CDH18: variants seen among roughly 807,000 people sequenced by gnomAD.
The protein encoded by CDH18 is cadherin 18, also known as cadherin-18.
CDH18 carries 31 observed loss-of-function variants against 67.9 expected under a neutral mutation model. The ratio of observed to expected loss-of-function variants is 0.46; its 90% CI spans 0.34 to 0.62. CDH18 has a LOEUF of 0.62. Ranked by LOEUF, CDH18 falls within the 20% of genes least tolerant of loss-of-function variation. The pLI is 0.01. For missense variants in CDH18, 890 were observed against 975.5 expected, an observed-to-expected ratio of 0.91 and a Z score of 1.17; for synonymous variants, 362 against 347.2, an observed-to-expected ratio of 1.04 and a Z score of -0.48.
At chr5:19,610,339 C>T (rs1006630766) in intron 6 of CDH18, among the ~76,000 whole-genome samples, 9 of 151,950 alleles carry the variant, frequency 5.9e-5, no homozygotes, top group Non-Finnish European at 1.3e-4. Context: ...TATTGATCAA[C>T]ATAATAAAAT....
chr5:19,907,742 A>G (rs1338315152), intron 2 of CDH18, among the ~76,000 whole-genome samples: 1 of 152,048 alleles, frequency 6.6e-6, no homozygotes. Context: ...CATATTCATG[A>G]CATTAATTTC....
chr5:20,436,221 T>A (rs1749155212), intron 1 of CDH18, among the ~76,000 whole-genome samples: 1 of 152,026 alleles, frequency 6.6e-6, no homozygotes, highest in South Asian at 2.1e-4. Context: ...AAGTAACATT[T>A]CAAATTGCCA....
At chr5:20,428,378 C>T (rs1459888691) in intron 1 of CDH18, among the ~76,000 whole-genome samples, 2 of 152,150 alleles carry the variant, frequency 1.3e-5, no homozygotes, top group Non-Finnish European at 2.9e-5. Flanking sequence ...CAAGTCTTTG[C>T]TATTGTAAAT....
chr5:19,662,037 G>A (rs146078035), intron 5 of CDH18, among the ~76,000 whole-genome samples: 449 of 152,006 alleles, frequency 3.0e-3, no homozygotes, highest in Non-Finnish European at 4.0e-3. Flanking sequence ...TAACATGACC[G>A]TGCCCATAGG....
chr5:20,021,650 C>T (rs919010579), intron 2 of CDH18, among the ~76,000 whole-genome samples: 1 of 152,162 alleles, frequency 6.6e-6, no homozygotes, highest in African/African-American at 2.4e-5. Context: ...GAAGGCATTT[C>T]CTGCTTTCCC....
Position 20,504,724 on chromosome 5 carries a change from T to A in CDH18, c.-580+70738A>T, listed in dbSNP as rs547973611. Among the ~76,000 whole-genome samples the A allele has an allele frequency of 2.6e-5, 4 of 151,466 alleles. No homozygotes were observed. The East Asian group carries it at 5.8e-4, about 22-fold the overall frequency. On this transcript the variant is annotated intron_variant, in intron 1 of 14. Coordinates refer to the CDH18 transcript ENST00000507958. Reference sequence around the variant, plus strand: ...CAGTTAAACTTAATAAAAAATAAAGTCTTTTGGCAGGTAGAAAAAGTGAAC... The same window carrying A: ...CAGTTAAACTTAATAAAAAATAAAGACTTTTGGCAGGTAGAAAAAGTGAAC...
chr5:20,079,813 G>T (rs1202649833), intron 2 of CDH18, among the ~76,000 whole-genome samples: 1 of 152,102 alleles, frequency 6.6e-6, no homozygotes, highest in East Asian at 1.9e-4. Flanking sequence ...GAGCTGGGAA[G>T]TCCAAGATTA....
intron 2 of CDH18, among the ~76,000 whole-genome samples, chr5:19,980,256 A>G (rs1798902311): frequency 1.3e-5 from 2 of 152,118 alleles, no homozygotes; most frequent in Non-Finnish European, 2.9e-5. Flanking sequence ...AAGGAGGTGA[A>G]AGACCTCTAC....
intron 7 of CDH18, among the ~76,000 whole-genome samples, chr5:19,589,707 T>G (rs1561415407): frequency 6.6e-6 from 1 of 152,084 alleles, no homozygotes; most frequent in African/African-American, 2.4e-5. Context: ...TTTGGCAAAA[T>G]TCAGCAAGGC....
rs751013238 is a variant in CDH18, at chr5:19,721,324, G to A, written c.643+23C>T. Reference sequence around the variant, plus strand: ...CTTACTGTAGCAAACGCTTGCATGCGAGTTATGTGTAAATGCACTAACCTG... The same window carrying A: ...CTTACTGTAGCAAACGCTTGCATGCAAGTTATGTGTAAATGCACTAACCTG... On this transcript the variant is annotated intron_variant, in intron 5 of 12. Coordinates refer to ENST00000382275, the MANE Select transcript of CDH18 (RefSeq NM_004934.5). The A allele has an allele frequency of 5.8e-6, 9 of 1,548,610 alleles. No individual in the cohort carries two copies. In the Admixed American group the frequency reaches 7.0e-5, roughly 12 times the overall value.
intron 1 of CDH18, among the ~76,000 whole-genome samples, chr5:20,527,446 A>C (rs1159879637): frequency 6.6e-6 from 1 of 152,044 alleles, no homozygotes; most frequent in Non-Finnish European, 1.5e-5. Flanking sequence ...CAACCCCAAG[A>C]CATATAATCA....
At chr5:19,545,128 C>T (rs1297206063) in intron 8 of CDH18, among the ~76,000 whole-genome samples, 1 of 152,134 alleles carries the variant, frequency 6.6e-6, no homozygotes, top group African/African-American at 2.4e-5. Flanking sequence ...AATATTCTCT[C>T]CTAAAGCCTC....
chr5:20,351,251 GTT>G (rs67108487), intron 1 of CDH18, among the ~76,000 whole-genome samples: 18 of 142,800 alleles, frequency 1.3e-4, no homozygotes, highest in South Asian at 4.4e-4. Context: ...CATGGGGGTT[GTT>G]TTTTTTTTTT....
intron 1 of CDH18, among the ~76,000 whole-genome samples, chr5:20,450,744 T>A (rs1303902541): frequency 1.3e-5 from 2 of 152,158 alleles, no homozygotes; most frequent in Non-Finnish European, 2.9e-5. Context: ...ACACTACATA[T>A]GAAAAAACTC....
At chr5:20,010,680 TCTTA>T (rs1182398705) in intron 2 of CDH18, among the ~76,000 whole-genome samples, 4 of 152,214 alleles carry the variant, frequency 2.6e-5, no homozygotes, top group Non-Finnish European at 5.9e-5. Flanking sequence ...CAAAGCATTT[TCTTA>T]CTTTTACTCC....
chr5:19,504,136 T>C (rs1743706219), intron 10 of CDH18, among the ~76,000 whole-genome samples: 1 of 152,048 alleles, frequency 6.6e-6, no homozygotes, highest in Non-Finnish European at 1.5e-5. Flanking sequence ...GTCAGAAAGA[T>C]GAGGAGGAAA....
chr5:19,704,242 T>G (rs1763654077), intron 5 of CDH18, among the ~76,000 whole-genome samples: 1 of 152,136 alleles, frequency 6.6e-6, no homozygotes, highest in Admixed American at 6.5e-5. Context: ...TTTCAATCAT[T>G]TCTCTTTAGC....
chr5:20,214,604 G>A (rs1580496039), intron 2 of CDH18, among the ~76,000 whole-genome samples: 1 of 151,900 alleles, frequency 6.6e-6, no homozygotes, highest in African/African-American at 2.4e-5. Flanking sequence ...GGACTCCCTA[G>A]TCAATAAATG....
intron 5 of CDH18, among the ~76,000 whole-genome samples, chr5:19,683,076 A>G (rs1369786384): frequency 1.3e-5 from 2 of 149,468 alleles, no homozygotes; most frequent in Admixed American, 6.8e-5. Context: ...TATTCAATAT[A>G]TAAAATGTTC....
Sources: allele counts gnomAD v4.1 joint callset (sites outside exome capture counted in the v4.1 genomes callset), GRCh38; gene constraint gnomAD v4.1.1; transcripts MANE v1.5; gene names NCBI Gene and HGNC (gene_info 2026-07-23, HGNC 2026-07-21).